Variants in CCDC9B observed in about 807,000 individuals in gnomAD.
The protein encoded by CCDC9B is coiled-coil domain-containing protein 9B.
CCDC9B carries 40 observed loss-of-function variants against 47.2 expected under a neutral mutation model. That is an observed-to-expected ratio of 0.85 (90% CI 0.66 to 1.10). CCDC9B has a LOEUF of 1.10. Among genes scored for constraint, CCDC9B ranks in the 50% least tolerant of loss-of-function variants. The pLI, the probability that CCDC9B is intolerant of heterozygous loss-of-function variation, is 0.00. For missense variants in CCDC9B, 662 were observed against 651.0 expected, an observed-to-expected ratio of 1.02 and a Z score of -0.18; for synonymous variants, 238 against 250.7, an observed-to-expected ratio of 0.95 and a Z score of 0.48.
At position 40,337,757 on chromosome 15, in the gene CCDC9B, C is replaced by T. The variant is rs867493492; in HGVS notation, c.650G>A (p.Arg217His). ...GGCCTTGTCCAGGTCCCACGGGCGG[C>T]GCCAGTCACCCTGTGCGTCTCTGTG... ...ARHRDAQGDWRRPWDLDKAKS... is the reference protein window; with the variant it reads ...ARHRDAQGDWHRPWDLDKAKS... The change falls in exon 6 of 11, where the codon CGC (arginine) becomes CAC (histidine). Residue 217 changes from arginine (R) to histidine (H), a missense_variant. By Grantham distance (29) the Arg-to-His change is conservative. Coordinates refer to ENST00000397536, the MANE Select transcript of CCDC9B (RefSeq NM_207380.3). The T allele has an allele frequency of 3.7e-6, 6 of 1,607,030 alleles. No individual in the cohort carries two copies. Among genetic ancestry groups the T allele is most frequent in the East Asian group, 2.2e-5 (1 of 44,858 alleles).
In CCDC9B at chr15:40,336,391, G is replaced by A. The variant is rs115320947; in HGVS notation, c.887+183C>T. The A allele has an allele frequency of 0.01, 10,112 of 985,280 alleles. 794 individuals are homozygous for A. In the African/African-American group the frequency reaches 0.16, roughly 16 times the overall value. The allele number at this position is 985,280 out of a possible 1,614,324, so 61.0% of individuals were successfully genotyped here. A position where few individuals can be genotyped will look rare whatever the true frequency, so the allele number is the denominator to read the frequency against. On this transcript the variant is annotated intron_variant, in intron 9 of 10. Transcript: ENST00000397536. ...TGCTGTAATTACCACCAGCCTCCCC[G>A]GGCACCAGGCTCTCGCTGCAGCCTC...
At position 40,333,710 on chromosome 15, in the gene CCDC9B, A is replaced by T; in HGVS notation, c.*1448T>A. 1.5e-6 allele frequency: 1 copy of T among 666,356 alleles called. No individual in the cohort carries two copies. Among genetic ancestry groups the T allele is most frequent in the Non-Finnish European group, 1.9e-6 (1 of 539,352 alleles). The allele number at this position is 666,356 out of a possible 1,614,324, so 41.3% of individuals were successfully genotyped here. A position where few individuals can be genotyped will look rare whatever the true frequency, so the allele number is the denominator to read the frequency against. On this transcript the variant is annotated 3_prime_UTR_variant, in exon 11 of 11. Transcript: ENST00000397536. ...AGATGCCCCTCACCTTCCTGAATAG[A>T]GGGGTGGGGTGGAGTTGAGAGCCAG...
rs530293747 is a variant in CCDC9B, at chr15:40,337,578, A to G, written c.684-132T>C. On this transcript the variant is annotated intron_variant, in intron 6 of 10. Coordinates refer to ENST00000397536, the MANE Select transcript of CCDC9B (RefSeq NM_207380.3). ...AGATGGTGGGCCCAAGAAAGATGGGAGACCCAGAGCCTTGAACCCTGGGCT... is the reference window on the plus strand; with the variant it reads ...AGATGGTGGGCCCAAGAAAGATGGGGGACCCAGAGCCTTGAACCCTGGGCT... 8 of 1,184,738 alleles carry G rather than the reference A, an allele frequency of 6.8e-6. No individual in the cohort carries two copies. The South Asian group carries it at 9.3e-5, about 14-fold the overall frequency. The allele number at this position is 1,184,738 out of a possible 1,614,324, so 73.4% of individuals were successfully genotyped here. A position where few individuals can be genotyped will look rare whatever the true frequency, so the allele number is the denominator to read the frequency against.
chr15:40,338,738 C>T lies in CCDC9B; in HGVS notation c.387+10G>A. The T allele has an allele frequency of 1.2e-6, 2 of 1,611,754 alleles. No homozygotes were observed. The highest frequency in any genetic ancestry group is 1.7e-6 in the Non-Finnish European group (2 of 1,178,356). ...CTGCCGATGCCTGCACTCCCCACCA[C>T]CCTGCTCACCTCTGCTTTGTTCTCC... On this transcript the variant is annotated intron_variant, in intron 4 of 10. Coordinates refer to ENST00000397536, the MANE Select transcript of CCDC9B (RefSeq NM_207380.3).
At position 40,340,866 on chromosome 15, in the gene CCDC9B, C is replaced by G; in HGVS notation, c.-47G>C. The G allele has an allele frequency of 6.2e-7, 1 of 1,609,344 alleles. No homozygotes were observed. ...AATTCCAGAGCAGCCCCTGGGGAGCCAGAGTGGGAGGAAAGCTGGAGCCAC... is the reference window on the plus strand; with the variant it reads ...AATTCCAGAGCAGCCCCTGGGGAGCGAGAGTGGGAGGAAAGCTGGAGCCAC... On this transcript the variant is annotated 5_prime_UTR_variant, in exon 1 of 11. Transcript: ENST00000397536.
At position 40,335,048 on chromosome 15, in the gene CCDC9B, T is replaced by G; in HGVS notation, c.*110A>C. The G allele has an allele frequency of 9.0e-7, 1 of 1,115,532 alleles. No individual in the cohort carries two copies. The highest frequency in any genetic ancestry group is 1.3e-6 in the Non-Finnish European group (1 of 799,138). The allele number at this position is 1,115,532 out of a possible 1,614,324, so 69.1% of individuals were successfully genotyped here. On this transcript the variant is annotated 3_prime_UTR_variant, in exon 11 of 11. Transcript: ENST00000397536. ...CTGGAGAGTTTGCCACACTGCTCAG[T>G]GACAATGGCGCAAGCCACCGGCAAC...
rs1889022289 is a variant in CCDC9B at position 40,338,750 on chromosome 15, C to A, written c.385G>T (p.Glu129Ter). The change falls in exon 4 of 11, where the codon GAG (glutamate) becomes TAG (stop). Residue 129 changes from glutamate (E) to a stop codon, truncating the protein, a stop_gained and splice_region_variant. Transcript: ENST00000397536. LOFTEE classifies it high-confidence loss of function. ...GCACTCCCCACCACCCTGCTCACCT[C>A]TGCTTTGTTCTCCATGGTCACAGCC... The part of the protein sequence containing the change: ...ELAVTMENKA[E>*]GKRIVSEKPT... 1 of 1,612,716 alleles carries A rather than the reference C, an allele frequency of 6.2e-7. No individual in the cohort carries two copies. The highest frequency in any genetic ancestry group is 1.1e-5 in the South Asian group (1 of 90,942).
chr15:40,339,810 A>G, intron 2 of CCDC9B, 95 bp downstream of exon 2: 11 of 1,395,608 alleles, frequency 7.9e-6, no homozygotes, highest in Non-Finnish European at 1.1e-5. Context: ...CCAGCCCCAG[A>G]GGCGCATTGC....
rs146699813 is a variant in CCDC9B, at chr15:40,335,247, G to C, written c.1384C>G (p.Arg462Gly). Reference sequence around the variant, plus strand: ...CTTTGGCTGCCTCCTCTCGTGGGCCGGCTTCTCGGGGCCAGGCCCTGCTGG... The same window carrying C: ...CTTTGGCTGCCTCCTCTCGTGGGCCCGCTTCTCGGGGCCAGGCCCTGCTGG... ...GAQQGLAPRS[R>G]PTRGGSQRSR... is the part of the protein sequence containing the mutation. Residue 462 changes from arginine to glycine, a missense_variant, in exon 11 of 11, where the codon CGG (arginine) becomes GGG (glycine). Arg to Gly is a moderately radical substitution (Grantham distance 125). Transcript: ENST00000397536. 4 of 1,595,068 alleles carry C rather than the reference G, an allele frequency of 2.5e-6. No individual in the cohort carries two copies. Among genetic ancestry groups the C allele is most frequent in the Non-Finnish European group, 2.6e-6 (3 of 1,168,674 alleles).
In CCDC9B at chr15:40,336,754, A is replaced by G; in HGVS notation, c.796+6T>C. ...GAGACCTGGCCCCTCCTCCTCCCCA[A>G]CTCACCTTTTCCATCAGGGAGCAAT... On this transcript the variant is annotated splice_donor_region_variant and intron_variant, in intron 8 of 10. Coordinates refer to ENST00000397536, the MANE Select transcript of CCDC9B (RefSeq NM_207380.3). 3.8e-6 allele frequency: 6 copies of G among 1,598,108 alleles called. No individual in the cohort carries two copies. The highest frequency in any genetic ancestry group is 1.7e-5 in the Admixed American group (1 of 57,176).
At chr15:40,339,243 G>C in intron 3 of CCDC9B, 1 of 582,006 alleles carries the variant, frequency 1.7e-6, no homozygotes, top group Middle Eastern at 4.4e-4. Flanking sequence ...CCTGGGGCTT[G>C]AGGTTTAGGA....
intron 2 of CCDC9B, 113 bp downstream of exon 2, chr15:40,339,792 C>A: frequency 7.1e-7 from 1 of 1,401,050 alleles, no homozygotes. Flanking sequence ...CCCACCCTAC[C>A]CCTGGCCCCA....
chr15:40,339,395 G>T, intron 3 of CCDC9B, 117 bp downstream of exon 3: 1 of 1,086,750 alleles, frequency 9.2e-7, no homozygotes. Flanking sequence ...TTGGGAGCTG[G>T]CAGGTGCACC....
rs554310990 is a variant in CCDC9B, at chr15:40,333,614, C to G, written c.*1544G>C. On this transcript the variant is annotated 3_prime_UTR_variant, in exon 11 of 11. Transcript: ENST00000397536. ...GACGAACTCTCAGGCCCTCCCCAGA[C>G]CATTAGAATCTGCATGACTCTTCAG... 2 of 149,960 alleles carry G rather than the reference C, an allele frequency of 1.3e-5. No homozygotes were observed. The highest frequency in any genetic ancestry group is 4.0e-4 in the East Asian group (2 of 5,056). The allele number at this position is 149,960 out of a possible 1,614,324, so 9.3% of individuals were successfully genotyped here.
chr15:40,331,468 C>T lies in CCDC9B; in HGVS notation c.*3690G>A, dbSNP rs1307326042. 6.8e-6 allele frequency: 1 copy of T among 147,462 alleles called. No homozygotes were observed. Among genetic ancestry groups the T allele is most frequent in the African/African-American group, 2.5e-5 (1 of 39,746 alleles). 9.1% of individuals were successfully genotyped at this position (147,462 alleles called of 1,614,324 possible). A position where few individuals can be genotyped will look rare whatever the true frequency, so the allele number is the denominator to read the frequency against. On this transcript the variant is annotated 3_prime_UTR_variant, in exon 11 of 11. Transcript: ENST00000397536. ...AGACAGAGATCACACCAAATCGCTA[C>T]TTCATTTATTCAACAAGTATTTACT...
rs771757279 is a variant in CCDC9B at position 40,340,911 on chromosome 15, G to C, written c.-92C>G. 6.2e-7 allele frequency: 1 copy of C among 1,608,096 alleles called. No individual in the cohort carries two copies. Among genetic ancestry groups the C allele is most frequent in the South Asian group, 1.1e-5 (1 of 90,174 alleles). ...AGCCACCGGAGCCGGGCCTCTGCCG[G>C]CCTCTCCCTGCCGGCTTCGCTGCTC... On this transcript the variant is annotated 5_prime_UTR_variant, in exon 1 of 11. Transcript: ENST00000397536.
chr15:40,335,233 T>G lies in CCDC9B; in HGVS notation c.1398A>C (p.Gly466=), dbSNP rs1414294103. ...CTGTGCCTCTCGACCTTTGGCTGCC[T>G]CCTCTCGTGGGCCGGCTTCTCGGGG... The part of the protein sequence containing the change: ...GLAPRSRPTR[G]GSQRSRGTAG... The change falls in exon 11 of 11, where the codon GGA becomes GGC. Residue 466 remains glycine, a synonymous_variant. Coordinates refer to ENST00000397536, the MANE Select transcript of CCDC9B (RefSeq NM_207380.3). 1 of 1,587,836 alleles carries G rather than the reference T, an allele frequency of 6.3e-7. No homozygotes were observed. The highest frequency in any genetic ancestry group is 8.6e-7 in the Non-Finnish European group (1 of 1,165,078).
chr15:40,335,806 T>C lies in CCDC9B; in HGVS notation c.908A>G (p.Lys303Arg), dbSNP rs1164204407. ...RARRWDMKED[K>R]EELEGQEGSQ... ...TACCTCCTGACCTTCCAGCTCCTCC[T>C]TGTCTTCCTTCATATCCCACCTGTA... The change falls in exon 10 of 11, where the codon AAG (lysine) becomes AGG (arginine). Residue 303 changes from lysine to arginine, a missense_variant. Physicochemically the swap from Lys to Arg is conservative, Grantham distance 26. Transcript: ENST00000397536. 1 of 1,608,428 alleles carries C rather than the reference T, an allele frequency of 6.2e-7. No homozygotes were observed. Among genetic ancestry groups the C allele is most frequent in the African/African-American group, 1.3e-5 (1 of 75,010 alleles).
intron 1 of CCDC9B, chr15:40,340,504 C>T (rs2141249903): frequency 4.5e-6 from 2 of 448,356 alleles, no homozygotes; most frequent in East Asian, 3.9e-5. Context: ...TGTGCCCAGC[C>T]TGGAGGAAAG....
Sources: gnomAD v4.1 joint callset for allele counts on GRCh38, gnomAD v4.1.1 for gene constraint, MANE v1.5 for transcripts, NCBI Gene and HGNC (gene_info 2026-07-23, HGNC 2026-07-21) for gene names.